PIWIL2: variants seen among roughly 807,000 people sequenced by gnomAD.
PIWIL2 encodes the protein piwi-like protein 2.
PIWIL2 carries 81 observed loss-of-function variants against 116.5 expected under a neutral mutation model. That is an observed-to-expected ratio of 0.70 (90% CI 0.58 to 0.84). PIWIL2 has a LOEUF of 0.84. Among genes scored for constraint, PIWIL2 ranks in the 40% least tolerant of loss-of-function variants. The pLI is 0.00. For synonymous variants in PIWIL2, 489 were observed against 429.5 expected, an observed-to-expected ratio of 1.14 and a Z score of -1.71; for missense variants, 1,272 against 1,212.3, an observed-to-expected ratio of 1.05 and a Z score of -0.73.
At chr8:22,286,231 A>G (rs1390217072) in intron 6 of PIWIL2, among the ~76,000 whole-genome samples, 1 of 152,248 alleles carries the variant, frequency 6.6e-6, no homozygotes, top group African/African-American at 2.4e-5. Flanking sequence ...TGTAGAGAAA[A>G]AAAAGGAAAG....
intron 6 of PIWIL2, among the ~76,000 whole-genome samples, chr8:22,286,677 A>G (rs1005410439): frequency 1.3e-5 from 2 of 152,182 alleles, no homozygotes; most frequent in Non-Finnish European, 2.9e-5. Context: ...GCCGGAGTGC[A>G]GTGGCACAGT....
intron 5 of PIWIL2, 38 bp downstream of exon 5, chr8:22,283,278 TC>T (rs1830556063): frequency 5.3e-6 from 8 of 1,500,346 alleles, no homozygotes; most frequent in Middle Eastern, 4.3e-4. Context: ...TTAGTAATGA[TC>T]GTGAAAACTC....
chr8:22,325,835 T>C (rs1586581239), intron 20 of PIWIL2, among the ~76,000 whole-genome samples: 1 of 152,152 alleles, frequency 6.6e-6, no homozygotes, highest in Non-Finnish European at 1.5e-5. Context: ...CCAGCAGGTA[T>C]GCAAAATCCA....
At chr8:22,295,440 G>A (rs1830874590) in intron 10 of PIWIL2, among the ~76,000 whole-genome samples, 1 of 151,948 alleles carries the variant, frequency 6.6e-6, no homozygotes, top group Non-Finnish European at 1.5e-5. Context: ...GAAAACACTA[G>A]GTATTTTGTC....
intron 20 of PIWIL2, among the ~76,000 whole-genome samples, chr8:22,327,604 T>C (rs926111026): frequency 2.6e-5 from 4 of 152,124 alleles, no homozygotes; most frequent in African/African-American, 9.7e-5. Flanking sequence ...CGACCTCAGG[T>C]GATCCGCCTA....
At chr8:22,286,672 A>T (rs765582149) in intron 6 of PIWIL2, among the ~76,000 whole-genome samples, 1 of 152,100 alleles carries the variant, frequency 6.6e-6, no homozygotes, top group African/African-American at 2.4e-5. Flanking sequence ...CGCAGGCCGG[A>T]GTGCAGTGGC....
At chr8:22,332,887 G>A (rs114741487) in intron 20 of PIWIL2, among the ~76,000 whole-genome samples, 1,641 of 152,130 alleles carry the variant, frequency 0.011, 43 homozygotes, top group African/African-American at 0.038. Flanking sequence ...GTTTAGAAAT[G>A]GTTAAAGGAA....
rs190756036 is a variant in PIWIL2, at chr8:22,306,204, G to A, written c.1545+188G>A. Among the ~76,000 whole-genome samples, 9 of 152,218 alleles carry A rather than the reference G, an allele frequency of 5.9e-5. 1 individual carries two copies. The East Asian group carries it at 9.6e-4, about 16-fold the overall frequency. ...ATGATCCATGTCCCTTCCCACACAC[G>A]ATGTGAAAAAGCATATCAGAACTTC... On this transcript the variant is annotated intron_variant, in intron 13 of 22. Transcript: ENST00000356766.
intron 20 of PIWIL2, among the ~76,000 whole-genome samples, chr8:22,336,804 A>G (rs530793003): frequency 2.6e-5 from 4 of 152,288 alleles, no homozygotes; most frequent in African/African-American, 9.6e-5. Context: ...AAACAATAGA[A>G]TCAATGAAGC....
intron 20 of PIWIL2, among the ~76,000 whole-genome samples, chr8:22,330,086 G>A (rs1215660663): frequency 6.6e-6 from 1 of 152,118 alleles, no homozygotes; most frequent in Admixed American, 6.6e-5. Flanking sequence ...ATATGATGGT[G>A]TGTTTGTTGG....
At chr8:22,323,209 A>G (rs1001457675) in intron 20 of PIWIL2, among the ~76,000 whole-genome samples, 67 of 128,406 alleles carry the variant, frequency 5.2e-4, no homozygotes, top group African/African-American at 1.8e-3. Flanking sequence ...GTGCAGTGGC[A>G]CATTCTCGGC....
intron 13 of PIWIL2, among the ~76,000 whole-genome samples, 196 bp from the exon 14 acceptor site, chr8:22,307,737 T>G (rs955956117): frequency 6.6e-6 from 1 of 152,096 alleles, no homozygotes; most frequent in East Asian, 1.9e-4. Flanking sequence ...TCCACCCACC[T>G]CATCCTTCCA....
At chr8:22,321,942 C>T in intron 20 of PIWIL2, 6 of 985,218 alleles carry the variant, frequency 6.1e-6, no homozygotes, top group Non-Finnish European at 7.2e-6. Flanking sequence ...TAGTCCAAAG[C>T]CCATTTTCTC....
chr8:22,290,244 GGCCAGGCTA>G lies in PIWIL2; in HGVS notation c.1080_1088del (p.Trp360_Tyr363delinsCys), dbSNP rs1314838509. The G allele has an allele frequency of 6.2e-7, 1 of 1,604,192 alleles. No individual in the cohort carries two copies. ...ACCTCTCTCTCCAGATTGCAGATCT[GGCCAGGCTA>G]TGCAGCTAGCATCCGAAGGACAGAT... On this transcript the variant is annotated inframe_deletion, in exon 10 of 23. Coordinates refer to ENST00000356766, the MANE Select transcript of PIWIL2 (RefSeq NM_018068.5).
At chr8:22,343,553 G>C (rs1832158180) in intron 20 of PIWIL2, among the ~76,000 whole-genome samples, 1 of 152,240 alleles carries the variant, frequency 6.6e-6, no homozygotes, top group South Asian at 2.1e-4. Flanking sequence ...AGCTGAGATT[G>C]TACCACTGCA....
intron 10 of PIWIL2, among the ~76,000 whole-genome samples, chr8:22,297,774 A>G (rs557503160): frequency 3.3e-5 from 5 of 152,308 alleles, no homozygotes; most frequent in South Asian, 2.1e-4. Flanking sequence ...GGTTTCACCA[A>G]ATTTTTACAG....
intron 10 of PIWIL2, among the ~76,000 whole-genome samples, chr8:22,298,613 A>G (rs1830969967): frequency 6.6e-6 from 1 of 152,196 alleles, no homozygotes; most frequent in Non-Finnish European, 1.5e-5. Context: ...AATCTGTGGA[A>G]TGTTGCCTGG....
intron 2 of PIWIL2, among the ~76,000 whole-genome samples, chr8:22,280,444 T>A (rs1373215757): frequency 6.6e-6 from 1 of 152,154 alleles, no homozygotes; most frequent in Non-Finnish European, 1.5e-5. Flanking sequence ...TCAAAGAGAG[T>A]TAGCAAATAT....
rs1330070999 is a variant in PIWIL2, at chr8:22,355,465, A to C, written c.2882A>C (p.Glu961Ala). ...AFLSGHILHH[E>A]PAIQLCENLF... ...CTGTCAGGACACATCTTGCATCATG[A>C]ACCAGCCATCCAGCTGTGCGAGAAC... The change falls in exon 23 of 23, where the codon GAA becomes GCA. Residue 961 changes from glutamate (E) to alanine (A), a missense_variant. By Grantham distance (107) the Glu-to-Ala change is moderately radical. Coordinates refer to ENST00000356766, the MANE Select transcript of PIWIL2 (RefSeq NM_018068.5). 1 of 1,614,178 alleles carries C rather than the reference A, an allele frequency of 6.2e-7. No homozygotes were observed.
Sources: allele counts gnomAD v4.1 joint callset (sites outside exome capture counted in the v4.1 genomes callset), GRCh38; gene constraint gnomAD v4.1.1; transcripts MANE v1.5; gene names NCBI Gene and HGNC (gene_info 2026-07-23, HGNC 2026-07-21).